Variants in LDLRAD3 observed in about 807,000 individuals in gnomAD.
LDLRAD3 encodes the protein low density lipoprotein receptor class A domain containing 3, also known as low-density lipoprotein receptor class A domain-containing protein 3.
Under a neutral mutation model 29.4 loss-of-function variants are expected in LDLRAD3, and 20 were observed. That is an observed-to-expected ratio of 0.68 (90% CI 0.48 to 0.99). The LOEUF is 0.99. Ranked by LOEUF, LDLRAD3 falls within the 50% of genes least tolerant of loss-of-function variation. LDLRAD3 has a pLI of 0.00. For synonymous variants in LDLRAD3, 157 were observed against 192.7 expected (o/e 0.81, Z 1.53); for missense variants, 420 against 454.3 (o/e 0.92, Z 0.69).
At chr11:36,143,647 G>A (rs1033669341) in intron 4 of LDLRAD3, among the ~76,000 whole-genome samples, 3 of 152,162 alleles carry the variant, frequency 2.0e-5, no homozygotes, top group Non-Finnish European at 2.9e-5. Context: ...AAATACCACA[G>A]ACTGGGTGGC....
At chr11:36,106,899 A>T (rs113068746) in intron 4 of LDLRAD3, among the ~76,000 whole-genome samples, 2,845 of 152,286 alleles carry the variant, frequency 0.019, 50 homozygotes, top group Admixed American at 0.024. Context: ...GTGTGTTGGC[A>T]GTCAGCATGA....
chr11:36,141,529 T>G (rs903014592), intron 4 of LDLRAD3, among the ~76,000 whole-genome samples: 1 of 151,988 alleles, frequency 6.6e-6, no homozygotes, highest in African/African-American at 2.4e-5. Flanking sequence ...TTTGATCTTG[T>G]AGTGCATCTG....
intron 1 of LDLRAD3, among the ~76,000 whole-genome samples, chr11:36,028,738 AT>A: frequency 6.6e-6 from 1 of 152,164 alleles, no homozygotes; most frequent in Non-Finnish European, 1.5e-5. Flanking sequence ...TTTGAATTTA[AT>A]CAATAAAAAA....
intron 4 of LDLRAD3, among the ~76,000 whole-genome samples, chr11:36,157,121 C>T (rs1195123108): frequency 1.3e-5 from 2 of 152,192 alleles, no homozygotes; most frequent in African/African-American, 4.8e-5. Flanking sequence ...CTTTTGGTCT[C>T]CTGCTGGAAA....
intron 4 of LDLRAD3, among the ~76,000 whole-genome samples, chr11:36,157,504 G>A (rs1415416603): frequency 1.3e-5 from 2 of 152,142 alleles, no homozygotes; most frequent in Non-Finnish European, 1.5e-5. Context: ...TGAACCATGG[G>A]GTTCTTGGCC....
chr11:35,996,817 GC>G (rs1234504199), intron 1 of LDLRAD3, among the ~76,000 whole-genome samples: 1 of 152,316 alleles, frequency 6.6e-6, no homozygotes, highest in East Asian at 1.9e-4. Context: ...AAATGTGCCA[GC>G]CCCTGTGCAC....
intron 4 of LDLRAD3, among the ~76,000 whole-genome samples, chr11:36,184,728 C>G (rs757075491): frequency 2.0e-5 from 3 of 152,194 alleles, no homozygotes; most frequent in African/African-American, 7.2e-5. Flanking sequence ...TTCCACATCT[C>G]CCTTGTTGAA....
At chr11:36,178,077 C>T (rs928417702) in intron 4 of LDLRAD3, among the ~76,000 whole-genome samples, 8 of 152,130 alleles carry the variant, frequency 5.3e-5, no homozygotes, top group East Asian at 3.8e-4. Context: ...CTAAAGTTCA[C>T]GATGTGAGTT....
At chr11:35,975,954 C>G (rs913134616) in intron 1 of LDLRAD3, among the ~76,000 whole-genome samples, 4 of 151,540 alleles carry the variant, frequency 2.6e-5, no homozygotes, top group Non-Finnish European at 4.4e-5. Flanking sequence ...TGCCCAGGCT[C>G]AGGAGAATGT....
chr11:36,226,078 T>A (rs1271719480), intron 4 of LDLRAD3, among the ~76,000 whole-genome samples: 1 of 151,122 alleles, frequency 6.6e-6, no homozygotes, highest in Admixed American at 6.6e-5. Context: ...AATAAATAAA[T>A]AAATAAATAA....
At chr11:35,979,043 C>T (rs961399463) in intron 1 of LDLRAD3, among the ~76,000 whole-genome samples, 1 of 152,128 alleles carries the variant, frequency 6.6e-6, no homozygotes, top group Non-Finnish European at 1.5e-5. Flanking sequence ...TTTTTCTTTC[C>T]ACACATTGAA....
In LDLRAD3 at chr11:36,227,144, A is replaced by G; in HGVS notation, c.514A>G (p.Ile172Val). The change falls in exon 5 of 6, where the codon ATC (isoleucine) becomes GTC (valine). Residue 172 changes from isoleucine (I) to valine (V), a missense_variant. By Grantham distance (29) the Ile-to-Val change is conservative. Around this residue, in one of 3 missense-constraint regions of LDLRAD3, gnomAD observed 224 missense variants for 222.2 expected, o/e 1.01. Transcript: ENST00000315571. ...SENQLVYYPS[I>V]TYAIIGSSVI... ...GAACCAACTTGTGTATTACCCCAGC[A>G]TCACCTATGCCATCATCGGCAGCTC... 6.2e-7 allele frequency: 1 copy of G among 1,613,558 alleles called. No homozygotes were observed. Among genetic ancestry groups the G allele is most frequent in the Non-Finnish European group, 8.5e-7 (1 of 1,179,730 alleles).
chr11:36,128,723 C>T (rs11033445), intron 4 of LDLRAD3, among the ~76,000 whole-genome samples: 10,210 of 152,022 alleles, frequency 0.067, 639 homozygotes, highest in East Asian at 0.35. Flanking sequence ...GTGATAGGCA[C>T]CTGTAGTCTC....
At chr11:35,970,019 A>G (rs951312408) in intron 1 of LDLRAD3, among the ~76,000 whole-genome samples, 1 of 152,154 alleles carries the variant, frequency 6.6e-6, no homozygotes, top group Non-Finnish European at 1.5e-5. Flanking sequence ...TCTTCTGGGA[A>G]AGTAGCCTGC....
At chr11:36,057,349 T>G (rs1335804781) in intron 2 of LDLRAD3, among the ~76,000 whole-genome samples, 2 of 152,180 alleles carry the variant, frequency 1.3e-5, no homozygotes, top group East Asian at 3.9e-4. Flanking sequence ...CACTCAAGTT[T>G]GTGAATTCCT....
chr11:36,204,853 T>C (rs1363074828), intron 4 of LDLRAD3, among the ~76,000 whole-genome samples: 1 of 152,198 alleles, frequency 6.6e-6, no homozygotes, highest in Non-Finnish European at 1.5e-5. Context: ...TTTCCTAAGC[T>C]ATCATTTCAG....
chr11:36,030,695 A>G (rs1161044328), intron 1 of LDLRAD3, among the ~76,000 whole-genome samples: 2 of 152,190 alleles, frequency 1.3e-5, no homozygotes, highest in East Asian at 1.9e-4. Flanking sequence ...GAGCCTTCAG[A>G]TCCAGATTGT....
At chr11:36,025,447 G>A (rs113893283) in intron 1 of LDLRAD3, among the ~76,000 whole-genome samples, 11,529 of 148,774 alleles carry the variant, frequency 0.077, 486 homozygotes, top group South Asian at 0.13. Flanking sequence ...GGAGTGCAGT[G>A]GTGTGATCTC....
intron 4 of LDLRAD3, among the ~76,000 whole-genome samples, chr11:36,117,424 TAGAA>T (rs1490873054): frequency 6.6e-6 from 1 of 152,004 alleles, no homozygotes; most frequent in Non-Finnish European, 1.5e-5. Context: ...AAGCAAAAAC[TAGAA>T]AGAACTACAC....
Sources: gnomAD v4.1 joint callset for allele counts (sites outside exome capture counted in the v4.1 genomes callset) on GRCh38, gnomAD v4.1.1 for gene constraint, gnomAD v4.1.1 regional missense constraint, MANE v1.5 for transcripts, NCBI Gene and HGNC (gene_info 2026-07-23, HGNC 2026-07-21) for gene names.